The following CA10 variants were observed in gnomAD, a reference collection of about 807,000 sequenced individuals.
The protein encoded by CA10 is carbonic anhydrase-related protein 10.
Under a neutral mutation model 44.2 loss-of-function variants are expected in CA10, and 14 were observed. The observed-to-expected ratio is 0.32, with a 90% CI of 0.21 to 0.50. CA10 has a LOEUF of 0.50. CA10 is among the 20% of genes least tolerant of loss of function. The pLI is 0.99. For missense variants in CA10, 350 were observed against 409.7 expected (o/e 0.85, Z 1.26); for synonymous variants, 159 against 141.6 (o/e 1.12, Z -0.87).
chr17:52,103,673 G>A (rs1988592107), intron 1 of CA10, among the ~76,000 whole-genome samples: 1 of 152,206 alleles, frequency 6.6e-6, no homozygotes, highest in South Asian at 2.1e-4. Flanking sequence ...ATTGACGTTT[G>A]TCTTTAGTCA....
At chr17:51,745,081 G>A (rs920136060) in intron 4 of CA10, among the ~76,000 whole-genome samples, 1 of 152,170 alleles carries the variant, frequency 6.6e-6, no homozygotes, top group African/African-American at 2.4e-5. Context: ...TACTTGGGAA[G>A]CTGTTCTCCA....
chr17:51,933,994 G>A (rs1419250535), intron 2 of CA10, among the ~76,000 whole-genome samples: 1 of 151,958 alleles, frequency 6.6e-6, no homozygotes, highest in Non-Finnish European at 1.5e-5. Flanking sequence ...GAACAGTTTC[G>A]GGGTTTTATA....
At chr17:51,825,951 G>C (rs1008282673) in intron 3 of CA10, among the ~76,000 whole-genome samples, 2 of 152,152 alleles carry the variant, frequency 1.3e-5, no homozygotes, top group East Asian at 3.9e-4. Context: ...TTTTCTCAGC[G>C]TACTTTATTG....
At chr17:51,778,430 G>T (rs1385704913) in intron 3 of CA10, among the ~76,000 whole-genome samples, 1 of 152,126 alleles carries the variant, frequency 6.6e-6, no homozygotes, top group East Asian at 1.9e-4. Flanking sequence ...GGCATAGATC[G>T]CTATATGAGT....
chr17:51,819,773 A>G (rs1455737151), intron 3 of CA10, among the ~76,000 whole-genome samples: 1 of 152,196 alleles, frequency 6.6e-6, no homozygotes, highest in African/African-American at 2.4e-5. Flanking sequence ...CTTCCAGTCC[A>G]GTGAATAACT....
At chr17:51,998,316 G>A (rs1985307013) in intron 2 of CA10, among the ~76,000 whole-genome samples, 1 of 152,096 alleles carries the variant, frequency 6.6e-6, no homozygotes, top group Admixed American at 6.6e-5. Flanking sequence ...GACTGCAGGT[G>A]CTGTAGATAG....
At chr17:52,129,656 A>G (rs181535764) in intron 1 of CA10, among the ~76,000 whole-genome samples, 9 of 152,352 alleles carry the variant, frequency 5.9e-5, no homozygotes, top group Admixed American at 5.9e-4. Flanking sequence ...ATAGTAATAA[A>G]TAAGTACAAA....
chr17:52,083,583 A>G (rs1988039684), intron 1 of CA10, among the ~76,000 whole-genome samples: 1 of 151,982 alleles, frequency 6.6e-6, no homozygotes, highest in South Asian at 2.1e-4. Flanking sequence ...CACCCTTCCA[A>G]GTCTCCAATG....
intron 2 of CA10, among the ~76,000 whole-genome samples, chr17:52,045,642 C>G (rs1301308251): frequency 6.6e-6 from 1 of 151,782 alleles, no homozygotes; most frequent in Admixed American, 6.6e-5. Context: ...AAGAAATATG[C>G]AAATCCACAA....
intron 4 of CA10, among the ~76,000 whole-genome samples, chr17:51,687,862 T>C (rs115982578): frequency 6.6e-6 from 1 of 152,186 alleles, no homozygotes; most frequent in Admixed American, 6.5e-5. Context: ...ATAATTGTGG[T>C]ATCCAGCCTT....
rs200764276 is a variant in CA10, at chr17:51,635,846, G to T, written c.789+9C>A. On this transcript the variant is annotated intron_variant, in intron 7 of 8. Coordinates refer to ENST00000451037, the MANE Select transcript of CA10 (RefSeq NM_020178.5). The stretch of plus-strand genomic sequence containing the variant: ...TCTCCATTAGCTAAATGACCAGAGA[G>T]AAACTCACCTGCATCCTGGTTATAT... The T allele has an allele frequency of 1.3e-4, 207 of 1,559,598 alleles. No individual in the cohort carries two copies. Among genetic ancestry groups the T allele is most frequent in the Non-Finnish European group, 2.0e-5 (23 of 1,150,120 alleles).
intron 4 of CA10, among the ~76,000 whole-genome samples, chr17:51,691,041 G>T (rs201239573): frequency 6.6e-6 from 1 of 152,120 alleles, no homozygotes; most frequent in East Asian, 1.9e-4. Flanking sequence ...ACAAATATGG[G>T]ATGCAGATAT....
At chr17:51,979,005 T>TA (rs1984558276) in intron 2 of CA10, among the ~76,000 whole-genome samples, 1 of 152,166 alleles carries the variant, frequency 6.6e-6, no homozygotes, top group Non-Finnish European at 1.5e-5. Flanking sequence ...TAGAGGTCCT[T>TA]ATTCTGTTTC....
chr17:51,680,802 A>G (rs1388058498), intron 4 of CA10, among the ~76,000 whole-genome samples: 2 of 152,128 alleles, frequency 1.3e-5, no homozygotes, highest in South Asian at 2.1e-4. Flanking sequence ...AGGTTGAGAA[A>G]TTAAAAGACT....
chr17:52,047,871 T>G (rs12938716), intron 2 of CA10, among the ~76,000 whole-genome samples: 1 of 151,766 alleles, frequency 6.6e-6, no homozygotes, highest in Non-Finnish European at 1.5e-5. Context: ...CTTTCCAACT[T>G]AAAAAATTCC....
intron 4 of CA10, among the ~76,000 whole-genome samples, chr17:51,659,219 C>CT (rs1217896448): frequency 6.6e-6 from 1 of 152,166 alleles, no homozygotes; most frequent in African/African-American, 2.4e-5. Context: ...GTGGAGGATT[C>CT]TCTCTTCCTT....
intron 3 of CA10, among the ~76,000 whole-genome samples, chr17:51,865,568 G>C (rs553338803): frequency 1.3e-5 from 2 of 152,214 alleles, no homozygotes; most frequent in South Asian, 2.1e-4. Context: ...GAGCCGGTGG[G>C]GGGGAACCAA....
intron 6 of CA10, among the ~76,000 whole-genome samples, chr17:51,641,761 G>A (rs1417036295): frequency 1.4e-5 from 2 of 147,928 alleles, no homozygotes; most frequent in East Asian, 2.0e-4. Flanking sequence ...TGGGGGAGTC[G>A]GGGGAAACTT....
rs530200604 is a variant in CA10, at chr17:51,888,008, G to C, written c.279+42982C>G. Among the ~76,000 whole-genome samples the C allele has an allele frequency of 1.2e-3, 188 of 152,174 alleles. 4 individuals are homozygous for C. The South Asian group carries it at 0.022, about 18-fold the overall frequency. On this transcript the variant is annotated intron_variant, in intron 3 of 8. Transcript: ENST00000451037. ...CCACTGCACTCCAGTCTGGGAGACA[G>C]AATGAGACTCCATCTCAAGAAAACA...
Sources: gnomAD v4.1 joint callset for allele counts (sites outside exome capture counted in the v4.1 genomes callset) on GRCh38, gnomAD v4.1.1 for gene constraint, MANE v1.5 for transcripts, NCBI Gene and HGNC (gene_info 2026-07-23, HGNC 2026-07-21) for gene names.